The following SLC3A1 variants were observed in gnomAD, a reference collection of about 807,000 sequenced individuals.
The protein encoded by SLC3A1 is amino acid transporter heavy chain SLC3A1.
Under a neutral mutation model 60.3 loss-of-function variants are expected in SLC3A1, and 78 were observed. The ratio of observed to expected loss-of-function variants is 1.29; its 90% CI spans 1.08 to 1.56. The LOEUF (loss-of-function observed/expected upper bound fraction) is 1.56. Ranked by LOEUF, SLC3A1 falls within the 40% of genes most tolerant of loss-of-function variation. The pLI is 0.00. For synonymous variants in SLC3A1, 392 were observed against 307.9 expected (o/e 1.27, Z -2.86); for missense variants, 1,172 against 858.9 (o/e 1.36, Z -4.56).
At chr2:44,297,297 A>C (rs980256596) in intron 4 of SLC3A1, among the ~76,000 whole-genome samples, 4 of 152,086 alleles carry the variant, frequency 2.6e-5, no homozygotes, top group African/African-American at 9.7e-5. Context: ...TTGCTGGGAG[A>C]GGCTGGCTGT....
chr2:44,294,845 T>C (rs1301051982), intron 4 of SLC3A1, among the ~76,000 whole-genome samples: 2 of 152,188 alleles, frequency 1.3e-5, no homozygotes, highest in African/African-American at 4.8e-5. Flanking sequence ...CATTCCTTCT[T>C]GAGATGGACA....
Position 44,275,917 on chromosome 2 carries a change from C to G in SLC3A1, c.382C>G (p.Pro128Ala). 1 of 1,613,934 alleles carries G rather than the reference C, an allele frequency of 6.2e-7. No homozygotes were observed. Among genetic ancestry groups the G allele is most frequent in the African/African-American group, 1.3e-5 (1 of 74,934 alleles). Residue 128 changes from proline (P) to alanine (A), a missense_variant, in exon 1 of 10, where the codon CCA becomes GCA. Physicochemically the swap from Pro to Ala is conservative, Grantham distance 27. Coordinates refer to ENST00000260649, the MANE Select transcript of SLC3A1 (RefSeq NM_000341.4). The part of the protein sequence containing the change: ...WQEGPMYQIY[P>A]RSFKDSNKDG... ...GGAGGGGCCCATGTACCAGATCTAC[C>G]CAAGGTCTTTCAAGGACAGTAACAA...
At chr2:44,309,015 AGCTACTGT>A (rs1407638588) in intron 7 of SLC3A1, among the ~76,000 whole-genome samples, 4 of 152,182 alleles carry the variant, frequency 2.6e-5, no homozygotes, top group Non-Finnish European at 4.4e-5. Context: ...TACAGGCGTG[AGCTACTGT>A]GCCTGGCCTT....
intron 6 of SLC3A1, 138 bp from the exon 7 acceptor site, chr2:44,304,005 C>A (rs1672086397): frequency 1.3e-6 from 1 of 747,312 alleles, no homozygotes; most frequent in Admixed American, 1.9e-5. Flanking sequence ...ATTATGCTTT[C>A]TAGAAGGTGC....
chr2:44,321,894 T>C (rs779401831), downstream of SLC3A1: 41 of 1,612,904 alleles, frequency 2.5e-5, no homozygotes, highest in Middle Eastern at 1.6e-4. Context: ...ATTAGGGGTC[T>C]GATAGCCTGG....
intron 9 of SLC3A1, chr2:44,315,046 C>T (rs915372679): frequency 1.3e-5 from 2 of 150,318 alleles, no homozygotes; most frequent in Admixed American, 6.7e-5. Flanking sequence ...ATTCTCCTAC[C>T]TTGGCCTCCC....
chr2:44,321,871 T>C, downstream of SLC3A1: 3 of 1,613,666 alleles, frequency 1.9e-6, no homozygotes, highest in Non-Finnish European at 2.5e-6. Flanking sequence ...CCAGGCTGAA[T>C]ATCTAGAATA....
chr2:44,304,084 A>G (rs1180449553), intron 6 of SLC3A1, 59 bp from the exon 7 acceptor site: 3 of 1,297,412 alleles, frequency 2.3e-6, no homozygotes, highest in East Asian at 4.6e-5. Context: ...GCAGCTGTGG[A>G]GTGCCTTCCC....
At chr2:44,298,459 A>T (rs1671913003) in intron 4 of SLC3A1, among the ~76,000 whole-genome samples, 2 of 151,888 alleles carry the variant, frequency 1.3e-5, no homozygotes, top group Non-Finnish European at 2.9e-5. Context: ...GCTCACTGCA[A>T]CCTCCGATTT....
chr2:44,312,504 G>A (rs140673046), intron 7 of SLC3A1, 82 bp from the exon 8 acceptor site: 133 of 1,475,658 alleles, frequency 9.0e-5, no homozygotes, highest in African/African-American at 5.1e-4. Context: ...GTTTTGCTAC[G>A]TTGTGAACTT....
intron 4 of SLC3A1, among the ~76,000 whole-genome samples, chr2:44,297,826 G>A (rs1671892903): frequency 6.6e-6 from 1 of 152,076 alleles, no homozygotes; most frequent in Non-Finnish European, 1.5e-5. Context: ...TAGAACTCCT[G>A]GGCTCAAGCG....
intron 4 of SLC3A1, among the ~76,000 whole-genome samples, chr2:44,297,052 C>T (rs938958507): frequency 6.6e-6 from 1 of 152,164 alleles, no homozygotes; most frequent in Non-Finnish European, 1.5e-5. Context: ...CTATTAGCAG[C>T]ATGAGAACAA....
intron 9 of SLC3A1, 79 bp from the exon 10 acceptor site, chr2:44,320,120 C>T: frequency 7.8e-7 from 1 of 1,285,248 alleles, no homozygotes; most frequent in Non-Finnish European, 1.1e-6. Context: ...GGGTAAATAA[C>T]TCCTTACAAT....
chr2:44,290,941 C>A (rs1671728692), intron 4 of SLC3A1, among the ~76,000 whole-genome samples: 1 of 152,114 alleles, frequency 6.6e-6, no homozygotes, highest in Admixed American at 6.6e-5. Context: ...ATGCTCTCCC[C>A]ACACATTCTA....
Position 44,320,652 on chromosome 2 carries a change from A to G in SLC3A1, c.*13A>G. ...TACCTCGTGTTAGGCACCTTTATGA[A>G]GAGATGAAGACACTGGCATTTCAGT... On this transcript the variant is annotated 3_prime_UTR_variant, in exon 10 of 10. Transcript: ENST00000260649. 2 of 1,602,388 alleles carry G rather than the reference A, an allele frequency of 1.2e-6. No individual in the cohort carries two copies. The highest frequency in any genetic ancestry group is 1.7e-6 in the Non-Finnish European group (2 of 1,169,428).
rs767269886 is a variant in SLC3A1, at chr2:44,280,741, C to A, written c.456C>A (p.Ile152=). 4.3e-6 allele frequency: 7 copies of A among 1,609,402 alleles called. No homozygotes were observed. The South Asian group carries it at 7.7e-5, about 18-fold the overall frequency. Residue 152 remains isoleucine, a synonymous_variant, in exon 2 of 10, where the codon ATC becomes ATA. Coordinates refer to ENST00000260649, the MANE Select transcript of SLC3A1 (RefSeq NM_000341.4). ...LKGIQDKLDY[I]TALNIKTVWI... is the part of the protein sequence containing the mutation. Reference sequence around the variant, plus strand: ...GTATTCAAGATAAACTGGACTACATCACAGCTTTAAATATAAAAACTGTTT... The same window carrying A: ...GTATTCAAGATAAACTGGACTACATAACAGCTTTAAATATAAAAACTGTTT...
At chr2:44,280,482 C>A (rs1237713794) in intron 1 of SLC3A1, among the ~76,000 whole-genome samples, 1 of 152,092 alleles carries the variant, frequency 6.6e-6, no homozygotes, top group Non-Finnish European at 1.5e-5. Flanking sequence ...TAGGTATCCT[C>A]CCACCTTGGC....
Position 44,298,214 on chromosome 2 carries a change from C to G in SLC3A1, c.892-1757C>G, listed in dbSNP as rs191340125. ...AAAAAAATGTTAAGTCAGCCCACAGCCTTTTCTGATTAAAAATCCCTCCAG... is the reference window on the plus strand; with the variant it reads ...AAAAAAATGTTAAGTCAGCCCACAGGCTTTTCTGATTAAAAATCCCTCCAG... On this transcript the variant is annotated intron_variant, in intron 4 of 9. Coordinates refer to ENST00000260649, the MANE Select transcript of SLC3A1 (RefSeq NM_000341.4). Among the ~76,000 whole-genome samples, 164 of 152,236 alleles carry G rather than the reference C, an allele frequency of 1.1e-3. 1 individual carries two copies. The highest frequency in any genetic ancestry group is 2.1e-3 in the Non-Finnish European group (145 of 68,018).
chr2:44,281,303 C>T (rs960204224), intron 2 of SLC3A1, 84 bp from the exon 3 acceptor site: 21 of 1,204,918 alleles, frequency 1.7e-5, no homozygotes, highest in Admixed American at 7.0e-5. Context: ...GGGTTACAGG[C>T]GTTAGCCATT....
Sources: allele counts gnomAD v4.1 joint callset (sites outside exome capture counted in the v4.1 genomes callset), GRCh38; gene constraint gnomAD v4.1.1; transcripts MANE v1.5; gene names NCBI Gene and HGNC (gene_info 2026-07-23, HGNC 2026-07-21).